The following DGKD variants were observed in gnomAD, a reference collection of about 807,000 sequenced individuals.
DGKD encodes the protein DAG kinase delta.
DGKD carries 68 observed loss-of-function variants against 154.4 expected under a neutral mutation model. The ratio of observed to expected loss-of-function variants is 0.44; its 90% confidence interval spans 0.36 to 0.54. DGKD has a LOEUF of 0.54. DGKD is among the 20% of genes least tolerant of loss of function. The probability of loss-of-function intolerance (pLI) is 0.00; values close to 1 mark genes in which losing one functional copy is unlikely to be tolerated. For missense variants in DGKD, 1,343 were observed against 1,593.6 expected (o/e 0.84, Z 2.68); for synonymous variants, 693 against 638.0 (o/e 1.09, Z -1.30).
At chr2:233,410,262 A>AG (rs1243992111) in intron 3 of DGKD, among the ~76,000 whole-genome samples, 4 of 152,150 alleles carry the variant, frequency 2.6e-5, no homozygotes, top group South Asian at 2.1e-4. Flanking sequence ...TTGAAGAAAG[A>AG]GGGGGGGCTC....
At chr2:233,467,042 T>A in intron 27 of DGKD, 44 bp from the exon 28 acceptor site, 1 of 1,486,144 alleles carries the variant, frequency 6.7e-7, no homozygotes, top group Non-Finnish European at 9.4e-7. Context: ...GAGGCCGTGA[T>A]CAGTTGCAGC....
intron 1 of DGKD, among the ~76,000 whole-genome samples, chr2:233,383,988 T>C (rs1703033001): frequency 6.6e-6 from 1 of 152,060 alleles, no homozygotes; most frequent in Admixed American, 6.6e-5. Context: ...CCGGTAAAAA[T>C]GCATTTGCTG....
Position 233,448,314 on chromosome 2 carries a change from T to G in DGKD, c.1553T>G (p.Val518Gly). ...ACGGTGAAGGACTTCGTGGCACGGG[T>G]GGGGAAGGCCTATGAGAAGACGACC... is the stretch of plus-strand genomic sequence containing the variant. The part of the protein sequence containing the change: ...CETVKDFVAR[V>G]GKAYEKTTES... Residue 518 changes from valine (V) to glycine (G), a missense_variant, in exon 14 of 30, where the codon GTG (valine) becomes GGG (glycine). Transcript: ENST00000264057. 6.2e-7 allele frequency: 1 copy of G among 1,613,648 alleles called. No homozygotes were observed. The highest frequency in any genetic ancestry group is 8.5e-7 in the Non-Finnish European group (1 of 1,179,894).
In DGKD at chr2:233,417,456, A is replaced by G. The variant is rs371088241; in HGVS notation, c.349-16924A>G. Among the ~76,000 whole-genome samples, 49 of 152,254 alleles carry G rather than the reference A, an allele frequency of 3.2e-4. No individual in the cohort carries two copies. The South Asian group carries it at 3.9e-3, about 12-fold the overall frequency. ...CCTTGATGCTTGGTTACAAATTTGC[A>G]TAAGTTCTCAGTGGCCTGCCCCAGC... On this transcript the variant is annotated intron_variant, in intron 3 of 29. Coordinates refer to ENST00000264057, the MANE Select transcript of DGKD (RefSeq NM_152879.3).
At chr2:233,410,178 C>T (rs2061792014) in intron 3 of DGKD, among the ~76,000 whole-genome samples, 1 of 152,014 alleles carries the variant, frequency 6.6e-6, no homozygotes, top group East Asian at 1.9e-4. Flanking sequence ...GAGGGTGGGT[C>T]AAGATAATTA....
Position 233,445,683 on chromosome 2 carries a change from G to A in DGKD, c.1255G>A (p.Gly419Ser). The A allele has an allele frequency of 1.2e-6, 2 of 1,613,620 alleles. No individual in the cohort carries two copies. The highest frequency in any genetic ancestry group is 1.1e-5 in the South Asian group (1 of 90,952). Reference protein sequence around the residue: ...GNDLARVLGWGSACDDDTQLP... With the variant: ...GNDLARVLGWSSACDDDTQLP... ...CGACTTGGCCCGAGTACTGGGCTGG[G>A]GCTCAGCCTGCGATGACGACACCCA... The change falls in exon 11 of 30, where the codon GGC becomes AGC. Residue 419 changes from glycine (G) to serine (S), a missense_variant. Coordinates refer to ENST00000264057, the MANE Select transcript of DGKD (RefSeq NM_152879.3). The surrounding 1 kb of genome is among the most constrained non-coding windows in gnomAD (Gnocchi z 5.5).
intron 1 of DGKD, among the ~76,000 whole-genome samples, chr2:233,362,518 G>T (rs568033194): frequency 1.3e-5 from 2 of 152,304 alleles, no homozygotes; most frequent in African/African-American, 4.8e-5. Context: ...GGGTGTGGTG[G>T]CAGATGCCTG....
At chr2:233,355,073 C>T (rs1181427819) in intron 1 of DGKD, among the ~76,000 whole-genome samples, 1 of 152,052 alleles carries the variant, frequency 6.6e-6, no homozygotes, top group African/African-American at 2.4e-5. Context: ...TCCGCGGTCC[C>T]CAAACCCCGG....
At chr2:233,371,139 A>C (rs573888510) in intron 1 of DGKD, among the ~76,000 whole-genome samples, 39 of 152,286 alleles carry the variant, frequency 2.6e-4, no homozygotes, top group African/African-American at 8.9e-4. Flanking sequence ...CTGCTAAACC[A>C]CAAAGGCTGC....
intron 3 of DGKD, chr2:233,429,382 C>T (rs1024595929): frequency 1.1e-6 from 1 of 943,660 alleles, no homozygotes. Context: ...GTGAACAGTT[C>T]GGGACGTGTG....
rs183583802 is a variant in DGKD, at chr2:233,403,371, C to A, written c.348+12888C>A. Among the ~76,000 whole-genome samples the A allele has an allele frequency of 9.5e-3, 1,446 of 152,008 alleles. 14 individuals carry two copies. The highest frequency in any genetic ancestry group is 0.027 in the Admixed American group (405 of 15,268). On this transcript the variant is annotated intron_variant, in intron 3 of 29. Transcript: ENST00000264057. ...GGTCAGGAGTTCAAGACCAGCCTAG[C>A]CAACATGGTGAAACCCTGTCTCTAC...
chr2:233,457,051 C>T lies in DGKD; in HGVS notation c.2472+56C>T. On this transcript the variant is annotated intron_variant, in intron 20 of 29. Coordinates refer to ENST00000264057, the MANE Select transcript of DGKD (RefSeq NM_152879.3). The surrounding 1 kb of genome is among the most constrained non-coding windows in gnomAD (Gnocchi z 5.5). ...CTGGCCTCCATCCATCAGCAGACTGCCAGGCCTATTGCTTCTCCTGTTGAC... is the reference window on the plus strand; with the variant it reads ...CTGGCCTCCATCCATCAGCAGACTGTCAGGCCTATTGCTTCTCCTGTTGAC... 1 of 1,450,516 alleles carries T rather than the reference C, an allele frequency of 6.9e-7. No homozygotes were observed. The highest frequency in any genetic ancestry group is 9.7e-7 in the Non-Finnish European group (1 of 1,031,628). 89.9% of individuals were successfully genotyped at this position (1,450,516 alleles called of 1,614,324 possible).
At position 233,431,661 on chromosome 2, in the gene DGKD, T is replaced by A. The variant is rs572586738; in HGVS notation, c.349-2719T>A. ...TGGAACAGAATAGAGAGCCCAGAAA[T>A]AAATTCATACATCCACAGTGAACAC... On this transcript the variant is annotated intron_variant, in intron 3 of 29. Transcript: ENST00000264057. Among the ~76,000 whole-genome samples, 3 of 152,212 alleles carry A rather than the reference T, an allele frequency of 2.0e-5. No individual in the cohort carries two copies. In the South Asian group the frequency reaches 6.2e-4, roughly 32 times the overall value.
intron 27 of DGKD, among the ~76,000 whole-genome samples, chr2:233,465,579 C>G (rs1026058953): frequency 6.6e-6 from 1 of 151,986 alleles, no homozygotes; most frequent in African/African-American, 2.4e-5. Context: ...TAGTGAGACC[C>G]TGTCTCTATT....
intron 1 of DGKD, among the ~76,000 whole-genome samples, chr2:233,378,575 G>C (rs6726046): frequency 6.6e-6 from 1 of 151,956 alleles, no homozygotes; most frequent in Non-Finnish European, 1.5e-5. Flanking sequence ...CAGTCTGATG[G>C]TGCAAATAGT....
In DGKD at chr2:233,406,676, T is replaced by G. The variant is rs184472165; in HGVS notation, c.348+16193T>G. Among the ~76,000 whole-genome samples, 398 of 152,334 alleles carry G rather than the reference T, an allele frequency of 2.6e-3. 7 individuals are homozygous for G. The highest frequency in any genetic ancestry group is 9.2e-3 in the African/African-American group (383 of 41,578). On this transcript the variant is annotated intron_variant, in intron 3 of 29. Transcript: ENST00000264057. ...ACTGTAATCATAAGTATTTTATTTT[T>G]GGCACTTAGAGAAATTCTGAGAAGG... is the stretch of plus-strand genomic sequence containing the variant.
At chr2:233,466,029 A>G (rs964759839) in intron 27 of DGKD, among the ~76,000 whole-genome samples, 24 of 152,182 alleles carry the variant, frequency 1.6e-4, no homozygotes, top group African/African-American at 5.5e-4. Flanking sequence ...AACTTATGAC[A>G]GTTATAATAG....
intron 7 of DGKD, 107 bp downstream of exon 7, chr2:233,436,548 C>T: frequency 6.9e-7 from 1 of 1,442,602 alleles, no homozygotes; most frequent in Non-Finnish European, 9.2e-7. Context: ...TAAATTAATC[C>T]CAGAGGCCCC....
intron 1 of DGKD, among the ~76,000 whole-genome samples, chr2:233,366,301 C>T (rs1421172016): frequency 6.6e-6 from 1 of 152,212 alleles, no homozygotes; most frequent in Non-Finnish European, 1.5e-5. Context: ...TGAGTGGATG[C>T]TGGCTGACCC....
Sources: allele counts gnomAD v4.1 joint callset (sites outside exome capture counted in the v4.1 genomes callset), GRCh38; gene constraint gnomAD v4.1.1; non-coding constraint Gnocchi (gnomAD v3.1); transcripts MANE v1.5; gene names NCBI Gene and HGNC (gene_info 2026-07-23, HGNC 2026-07-21).